Variants in NHSL2 observed in about 807,000 individuals in gnomAD.
NHSL2 encodes the protein NHS like 2.
A neutral mutation model predicts 53.4 loss-of-function variants in NHSL2; 27 were observed. The ratio of observed to expected loss-of-function variants is 0.51; its 90% confidence interval spans 0.37 to 0.70. NHSL2 has a LOEUF of 0.70. Among genes scored for constraint, NHSL2 ranks in the 30% least tolerant of loss-of-function variants. The pLI, the probability that NHSL2 is intolerant of heterozygous loss-of-function variation, is 0.00. For missense variants in NHSL2, 892 were observed against 980.1 expected (o/e 0.91, Z 1.20); for synonymous variants, 408 against 404.1 (o/e 1.01, Z -0.12).
chrX:72,118,290 T>C (rs1400132806), intron 1 of NHSL2, among the ~76,000 whole-genome samples: 1 of 112,451 alleles, frequency 8.9e-6, no homozygotes. Flanking sequence ...GAGAAATGTC[T>C]GTTCAGATCC....
chrX:72,116,627 CA>C (rs1281140101), intron 1 of NHSL2, among the ~76,000 whole-genome samples: 1 of 111,936 alleles, frequency 8.9e-6, no homozygotes, highest in African/African-American at 3.3e-5. Flanking sequence ...CCACTCCACT[CA>C]GGGGCAGGGG....
At chrX:72,020,800 A>T (rs2042156480) in intron 1 of NHSL2, among the ~76,000 whole-genome samples, 1 of 112,782 alleles carries the variant, frequency 8.9e-6, no homozygotes, top group African/African-American at 3.2e-5. Flanking sequence ...AGTGACATAG[A>T]AAACAAGATC....
intron 1 of NHSL2, among the ~76,000 whole-genome samples, chrX:72,068,596 C>T (rs944079966): frequency 1.8e-5 from 2 of 112,207 alleles, no homozygotes; most frequent in Non-Finnish European, 3.8e-5. Flanking sequence ...TGCCCGGTGT[C>T]GCTTATCCCA....
intron 1 of NHSL2, among the ~76,000 whole-genome samples, chrX:72,100,744 T>C (rs1257613007): frequency 8.9e-6 from 1 of 112,542 alleles, no homozygotes; most frequent in East Asian, 2.8e-4. Flanking sequence ...AACAGTTTCA[T>C]CCTGAATCCA....
intron 2 of NHSL2, among the ~76,000 whole-genome samples, chrX:72,132,742 C>T (rs932596430): frequency 1.8e-5 from 2 of 111,602 alleles, no homozygotes; most frequent in Non-Finnish European, 3.8e-5. Flanking sequence ...CCTATTTTGT[C>T]CCCCCTAACC....
At chrX:71,989,280 C>T (rs1445943801) in intron 1 of NHSL2, among the ~76,000 whole-genome samples, 5 of 91,942 alleles carry the variant, frequency 5.4e-5, no homozygotes, top group African/African-American at 2.2e-4. Flanking sequence ...ACCCGGGAGG[C>T]GGAACTTGCA....
intron 1 of NHSL2, among the ~76,000 whole-genome samples, chrX:71,937,852 G>A (rs2041746490): frequency 8.9e-6 from 1 of 112,127 alleles, no homozygotes; most frequent in Non-Finnish European, 1.9e-5. Context: ...GCTGAGGGCT[G>A]TGCTCCTTGT....
rs2042459765 is a variant in NHSL2, at chrX:72,145,828, C to CT, written c.*2255dup. On this transcript the variant is annotated 3_prime_UTR_variant, in exon 8 of 8. Coordinates refer to ENST00000633930, the MANE Select transcript of NHSL2 (RefSeq NM_001013627.3). ...GGGTTTTGCCTCTCCCCTCACCTTG[C>CT]TACCTCTGGAGGTTTTCCCAAAAGA... The CT allele has an allele frequency of 8.9e-6, 1 of 112,287 alleles. No individual in the cohort carries two copies. Among genetic ancestry groups the CT allele is most frequent in the Non-Finnish European group, 1.9e-5 (1 of 53,270 alleles). The allele number at this position is 112,287 out of a possible 1,213,427, so 9.3% of individuals were successfully genotyped here.
intron 1 of NHSL2, among the ~76,000 whole-genome samples, chrX:72,115,964 AGCAATTC>A (rs1338326413): frequency 9.0e-6 from 1 of 111,241 alleles, no homozygotes; most frequent in East Asian, 2.8e-4. Context: ...AGTGGGGCCC[AGCAATTC>A]GTGTTTTATC....
chrX:72,116,868 G>C (rs2042143478), intron 1 of NHSL2, among the ~76,000 whole-genome samples: 1 of 112,049 alleles, frequency 8.9e-6, no homozygotes, highest in Admixed American at 9.4e-5. Context: ...TGGAAGCTGA[G>C]AAACTTGGCT....
At chrX:72,065,041 G>A (rs181357909) in intron 1 of NHSL2, among the ~76,000 whole-genome samples, 14 of 111,417 alleles carry the variant, frequency 1.3e-4, no homozygotes, top group East Asian at 2.8e-4. Flanking sequence ...TCAGAACAGC[G>A]CCTCCAGCAC....
At position 72,089,319 on chromosome X, in the gene NHSL2, A is replaced by C. The variant is rs762085009; in HGVS notation, c.281-42760A>C. On this transcript the variant is annotated intron_variant, in intron 1 of 7. Transcript: ENST00000633930. ...AAGAGTGATTATTCACATTATAGTT[A>C]AATGATTCTGTGGAAGTTAACTAGC... 3.4e-3 allele frequency among the ~76,000 whole-genome samples: 375 copies of C among 111,695 alleles called. 3 individuals are homozygous for C. Among genetic ancestry groups the C allele is most frequent in the Non-Finnish European group, 4.9e-3 (258 of 53,140 alleles).
At chrX:71,966,772 T>C (rs903164810) in intron 1 of NHSL2, among the ~76,000 whole-genome samples, 3 of 111,609 alleles carry the variant, frequency 2.7e-5, no homozygotes, top group Non-Finnish European at 5.7e-5. Flanking sequence ...TATGACTTCA[T>C]CTGATTTTGG....
chrX:71,974,578 T>C (rs1455213575), intron 1 of NHSL2, among the ~76,000 whole-genome samples: 2 of 112,179 alleles, frequency 1.8e-5, no homozygotes, highest in African/African-American at 6.5e-5. Flanking sequence ...GATATTTCTT[T>C]CTAATTTTTT....
chrX:72,135,159 C>G (rs1180818347), intron 4 of NHSL2, among the ~76,000 whole-genome samples: 2 of 111,291 alleles, frequency 1.8e-5, no homozygotes, highest in Non-Finnish European at 3.8e-5. Flanking sequence ...GGGCACAGAC[C>G]AAAGGCCTGG....
chrX:72,025,771 G>A (rs982509023), intron 1 of NHSL2, among the ~76,000 whole-genome samples: 12 of 111,856 alleles, frequency 1.1e-4, no homozygotes, highest in Admixed American at 7.6e-4. Context: ...TGAAGGGAAC[G>A]TCTTAGAGCA....
At chrX:72,085,102 G>A (rs778010555) in intron 1 of NHSL2, among the ~76,000 whole-genome samples, 148 of 111,528 alleles carry the variant, frequency 1.3e-3, no homozygotes, top group Non-Finnish European at 2.2e-3. Flanking sequence ...TCTAAGGCAC[G>A]AATTATTGTC....
chrX:72,009,725 C>T (rs926739649), intron 1 of NHSL2, among the ~76,000 whole-genome samples: 3 of 112,651 alleles, frequency 2.7e-5, no homozygotes, highest in Non-Finnish European at 3.7e-5. Context: ...CCTTGCCTAT[C>T]GTTGGCTCTC....
In NHSL2 at chrX:71,960,149, C is replaced by T. The variant is rs752128980; in HGVS notation, c.280+48782C>T. On this transcript the variant is annotated intron_variant, in intron 1 of 7. Transcript: ENST00000633930. Reference sequence around the variant, plus strand: ...ACATCTTTTGATGTGTTAGTTGGCACTTTGTATATTTTCTTTGGAGAAATA... The same window carrying T: ...ACATCTTTTGATGTGTTAGTTGGCATTTTGTATATTTTCTTTGGAGAAATA... Among the ~76,000 whole-genome samples, 4 of 112,447 alleles carry T rather than the reference C, an allele frequency of 3.6e-5. No homozygotes were observed. In the Admixed American group the frequency reaches 3.8e-4, roughly 11 times the overall value.
Sources: allele counts gnomAD v4.1 joint callset (sites outside exome capture counted in the v4.1 genomes callset), GRCh38; gene constraint gnomAD v4.1.1; transcripts MANE v1.5; gene names NCBI Gene and HGNC (gene_info 2026-07-23, HGNC 2026-07-21).